Variants in MAD1L1 observed in about 807,000 individuals in gnomAD.
The protein encoded by MAD1L1 is mitotic spindle assembly checkpoint protein MAD1.
A neutral mutation model predicts 96.9 loss-of-function variants in MAD1L1; 95 were observed. The ratio of observed to expected loss-of-function variants is 0.98; its 90% CI spans 0.83 to 1.16. The LOEUF is 1.16. Ranked by LOEUF, MAD1L1 falls within the 50% of genes most tolerant of loss-of-function variation. MAD1L1 has a pLI of 0.00. For missense variants in MAD1L1, 1,007 were observed against 954.4 expected, an observed-to-expected ratio of 1.06 and a Z score of -0.73; for synonymous variants, 473 against 396.6, an observed-to-expected ratio of 1.19 and a Z score of -2.29.
At chr7:2,191,473 G>C (rs540154724) in intron 10 of MAD1L1, among the ~76,000 whole-genome samples, 1 of 152,340 alleles carries the variant, frequency 6.6e-6, no homozygotes, top group South Asian at 2.1e-4. Context: ...GCTAACACCT[G>C]TAATCCCACC....
chr7:2,076,961 C>CGGTGAGCCCGCAGCAT (rs374461824), intron 11 of MAD1L1, among the ~76,000 whole-genome samples: 2 of 140,214 alleles, frequency 1.4e-5, no homozygotes, highest in African/African-American at 2.9e-5. Context: ...GCCCGCGGCA[C>CGGTGAGCCCGCAGCAT]GGTGAGCCCG....
intron 12 of MAD1L1, among the ~76,000 whole-genome samples, chr7:2,049,604 C>T (rs1481152822): frequency 6.6e-6 from 1 of 152,244 alleles, no homozygotes; most frequent in African/African-American, 2.4e-5. Flanking sequence ...GCCTGGACCT[C>T]ACAGACACCT....
intron 13 of MAD1L1, among the ~76,000 whole-genome samples, chr7:2,010,484 G>A (rs1420911294): frequency 1.3e-5 from 2 of 152,142 alleles, no homozygotes; most frequent in South Asian, 2.1e-4. Flanking sequence ...TCAAGGTGGC[G>A]TGCACTGCGT....
At chr7:2,006,630 C>T (rs901841647) in intron 13 of MAD1L1, among the ~76,000 whole-genome samples, 2 of 150,988 alleles carry the variant, frequency 1.3e-5, no homozygotes, top group African/African-American at 4.9e-5. Flanking sequence ...CAGCCCAACA[C>T]AGGAGAGACG....
intron 18 of MAD1L1, among the ~76,000 whole-genome samples, chr7:1,827,951 G>A (rs1400696887): frequency 2.0e-5 from 3 of 152,304 alleles, no homozygotes; most frequent in African/African-American, 7.2e-5. Flanking sequence ...ACGTTTCGTG[G>A]AGCGCCACGC....
chr7:2,150,535 GGGCCACTTCCTTACAGTGTCTCT>G, intron 10 of MAD1L1, among the ~76,000 whole-genome samples: 1 of 152,268 alleles, frequency 6.6e-6, no homozygotes, highest in South Asian at 2.1e-4. Flanking sequence ...AACAGAGGAA[GGGCCACTTCCTTACAGTGTCTCT>G]GGCCACCCCC....
At chr7:2,018,115 C>T (rs754739650) in intron 12 of MAD1L1, among the ~76,000 whole-genome samples, 2 of 152,166 alleles carry the variant, frequency 1.3e-5, no homozygotes, top group Non-Finnish European at 2.9e-5. Flanking sequence ...CCCCAAGCAG[C>T]GGTCACTTGA....
At chr7:1,936,044 G>T (rs1000028327) in intron 17 of MAD1L1, among the ~76,000 whole-genome samples, 12 of 152,224 alleles carry the variant, frequency 7.9e-5, no homozygotes, top group Admixed American at 7.8e-4. Flanking sequence ...AGCCTCGCTG[G>T]GGGTGCAGAC....
chr7:2,016,873 C>T (rs967757709), intron 12 of MAD1L1, among the ~76,000 whole-genome samples: 10 of 152,266 alleles, frequency 6.6e-5, no homozygotes, highest in African/African-American at 2.4e-4. Flanking sequence ...TTATTGAAAT[C>T]CTATATCTTC....
intron 11 of MAD1L1, among the ~76,000 whole-genome samples, chr7:2,128,639 T>C (rs1318715204): frequency 3.3e-5 from 5 of 152,160 alleles, no homozygotes; most frequent in African/African-American, 4.8e-5. Context: ...AAACACGATG[T>C]GTCTGCAAGA....
intron 14 of MAD1L1, among the ~76,000 whole-genome samples, chr7:1,984,603 C>T (rs183700856): frequency 5.2e-4 from 79 of 152,318 alleles, no homozygotes; most frequent in African/African-American, 1.8e-3. Context: ...CTGTGAAAAG[C>T]GCCCACCTTT....
chr7:2,175,634 C>A (rs1427066764), intron 10 of MAD1L1, among the ~76,000 whole-genome samples: 2 of 151,988 alleles, frequency 1.3e-5, no homozygotes, highest in African/African-American at 4.8e-5. Context: ...TGGCAACATA[C>A]TTTTCTATTT....
At chr7:1,882,483 G>A (rs1365891434) in intron 18 of MAD1L1, among the ~76,000 whole-genome samples, 2 of 152,208 alleles carry the variant, frequency 1.3e-5, no homozygotes, top group Non-Finnish European at 2.9e-5. Flanking sequence ...AGGGAGGGAA[G>A]GGGTGAGGGG....
chr7:2,163,017 A>C (rs759260853), intron 10 of MAD1L1, among the ~76,000 whole-genome samples: 4 of 152,154 alleles, frequency 2.6e-5, no homozygotes, highest in Non-Finnish European at 5.9e-5. Context: ...TTCAATAGCA[A>C]TTTTTTAGCA....
rs1375490431 is a variant in MAD1L1, at chr7:1,987,621, T to C, written c.1417-7080A>G. 2.0e-5 allele frequency among the ~76,000 whole-genome samples: 3 copies of C among 151,746 alleles called. No homozygotes were observed. In the East Asian group the frequency reaches 5.9e-4, roughly 30 times the overall value. ...AGCAAATGCGAGGATGGTCCCGGGG[T>C]GCTCTCGGCACCAACTGCAGTGCCC... On this transcript the variant is annotated intron_variant, in intron 14 of 18. Transcript: ENST00000265854.
chr7:2,177,392 A>G (rs17132275), intron 10 of MAD1L1, among the ~76,000 whole-genome samples: 7,049 of 152,244 alleles, frequency 0.046, 572 homozygotes, highest in African/African-American at 0.16. Flanking sequence ...CAGTCTCTTC[A>G]TTTGATATGC....
chr7:2,104,897 C>G (rs1787008510), intron 11 of MAD1L1, among the ~76,000 whole-genome samples: 1 of 152,124 alleles, frequency 6.6e-6, no homozygotes, highest in Non-Finnish European at 1.5e-5. Context: ...CAGGGTAGGT[C>G]CCCCCGCAAG....
intron 18 of MAD1L1, among the ~76,000 whole-genome samples, chr7:1,832,368 A>C (rs1782740257): frequency 6.6e-6 from 1 of 152,094 alleles, no homozygotes; most frequent in Non-Finnish European, 1.5e-5. Context: ...GCTGCTGCTT[A>C]TGAATGAACA....
At chr7:2,127,636 A>G (rs1788295026) in intron 11 of MAD1L1, among the ~76,000 whole-genome samples, 1 of 152,160 alleles carries the variant, frequency 6.6e-6, no homozygotes, top group Non-Finnish European at 1.5e-5. Context: ...GGAGACCCAC[A>G]GGAACCCACC....
Sources: gnomAD v4.1 joint callset for allele counts (sites outside exome capture counted in the v4.1 genomes callset) on GRCh38, gnomAD v4.1.1 for gene constraint, MANE v1.5 for transcripts, NCBI Gene and HGNC (gene_info 2026-07-23, HGNC 2026-07-21) for gene names.